Variants in CPA6 observed in about 807,000 individuals in gnomAD.
CPA6 encodes carboxypeptidase A6.
Under a neutral mutation model 63.3 loss-of-function variants are expected in CPA6, and 58 were observed. The observed-to-expected ratio is 0.92, with a 90% confidence interval of 0.74 to 1.14. The LOEUF (loss-of-function observed/expected upper bound fraction) is 1.14, where lower values mean the gene tolerates loss of function less well. Ranked by LOEUF, CPA6 falls within the 50% of genes most tolerant of loss-of-function variation. CPA6 has a pLI of 0.00. For synonymous variants in CPA6, 185 were observed against 179.0 expected, an observed-to-expected ratio of 1.03 and a Z score of -0.27; for missense variants, 565 against 526.6, an observed-to-expected ratio of 1.07 and a Z score of -0.71.
chr8:67,592,870 G>T (rs1042869254), intron 2 of CPA6, among the ~76,000 whole-genome samples: 126 of 151,904 alleles, frequency 8.3e-4, no homozygotes, highest in African/African-American at 2.8e-3. Context: ...AGGGTTTTTT[G>T]TGTCTCTATT....
At chr8:67,502,054 C>A (rs1370232381) in intron 6 of CPA6, among the ~76,000 whole-genome samples, 1 of 152,044 alleles carries the variant, frequency 6.6e-6, no homozygotes, top group South Asian at 2.1e-4. Flanking sequence ...CCTTATTAAC[C>A]TTTTTTATAT....
chr8:67,635,538 AG>A (rs1354940582), intron 1 of CPA6, among the ~76,000 whole-genome samples: 1 of 151,486 alleles, frequency 6.6e-6, no homozygotes, highest in Non-Finnish European at 1.5e-5. Context: ...GAAGCCAAGG[AG>A]GGGGGATCAC....
intron 8 of CPA6, among the ~76,000 whole-genome samples, chr8:67,474,851 C>G (rs1811139515): frequency 6.6e-6 from 1 of 152,056 alleles, no homozygotes; most frequent in Admixed American, 6.6e-5. Flanking sequence ...TGATGGCTCA[C>G]ACTGGTAATC....
At chr8:67,710,039 G>C (rs1817221731) in intron 1 of CPA6, among the ~76,000 whole-genome samples, 1 of 152,092 alleles carries the variant, frequency 6.6e-6, no homozygotes, top group Admixed American at 6.5e-5. Context: ...CTTGAACCCA[G>C]GAGGCAGAGG....
chr8:67,573,841 G>T (rs1283230034), intron 2 of CPA6, among the ~76,000 whole-genome samples: 1 of 125,004 alleles, frequency 8.0e-6, no homozygotes, highest in Non-Finnish European at 1.6e-5. Context: ...GCAGTGAGCC[G>T]AGATCACGCC....
intron 8 of CPA6, among the ~76,000 whole-genome samples, chr8:67,470,036 T>C (rs1811021973): frequency 6.6e-6 from 1 of 151,780 alleles, no homozygotes; most frequent in African/African-American, 2.4e-5. Context: ...TCCTTTTTTT[T>C]TTTTCTTTTT....
chr8:67,741,188 A>G lies in CPA6; in HGVS notation c.116+4826T>C, dbSNP rs537444389. Reference sequence around the variant, plus strand: ...AAATGCAGGGCTGTCATGAGAAAAAAGGAGTCCATGGAACTTTGCAAGCAG... The same window carrying G: ...AAATGCAGGGCTGTCATGAGAAAAAGGGAGTCCATGGAACTTTGCAAGCAG... On this transcript the variant is annotated intron_variant, in intron 1 of 10. Transcript: ENST00000297770. Among the ~76,000 whole-genome samples, 8 of 152,320 alleles carry G rather than the reference A, an allele frequency of 5.3e-5. No homozygotes were observed. In the East Asian group the frequency reaches 1.4e-3, roughly 26 times the overall value.
intron 6 of CPA6, among the ~76,000 whole-genome samples, chr8:67,490,374 A>C (rs1337667777): frequency 1.3e-5 from 2 of 152,104 alleles, no homozygotes; most frequent in African/African-American, 4.8e-5. Context: ...TGGACCTACA[A>C]AGTTTAATTT....
intron 6 of CPA6, among the ~76,000 whole-genome samples, chr8:67,492,475 G>GT (rs140303912): frequency 0.03 from 4,400 of 148,204 alleles, 146 homozygotes; most frequent in African/African-American, 0.08. Flanking sequence ...CCTTTATAAG[G>GT]TTTTTTTTTT....
chr8:67,688,580 C>A (rs1412693236), intron 1 of CPA6, among the ~76,000 whole-genome samples: 3 of 152,246 alleles, frequency 2.0e-5, no homozygotes, highest in Admixed American at 2.0e-4. Flanking sequence ...CAGGCTATAT[C>A]ATTAATGCTG....
At chr8:67,427,972 T>G in intron 10 of CPA6, 75 bp downstream of exon 10, 1 of 987,138 alleles carries the variant, frequency 1.0e-6, no homozygotes, top group Non-Finnish European at 1.6e-6. Flanking sequence ...ACTTTCTCCC[T>G]TCTAAAAGGA....
At chr8:67,423,721 G>A (rs1294609726) in intron 10 of CPA6, among the ~76,000 whole-genome samples, 1 of 152,144 alleles carries the variant, frequency 6.6e-6, no homozygotes, top group Non-Finnish European at 1.5e-5. Flanking sequence ...CTGCCCCCAT[G>A]TTGCTGTAGG....
At chr8:67,483,940 A>G in intron 7 of CPA6, 82 bp from the exon 8 acceptor site, 1 of 1,122,018 alleles carries the variant, frequency 8.9e-7, no homozygotes, top group East Asian at 2.3e-5. Context: ...AATCAATGAA[A>G]GAGTCATACC....
At chr8:67,656,021 G>A (rs1815975934) in intron 1 of CPA6, among the ~76,000 whole-genome samples, 1 of 152,180 alleles carries the variant, frequency 6.6e-6, no homozygotes, top group African/African-American at 2.4e-5. Context: ...ATGAGTTTTG[G>A]TGTGTGTTGT....
At chr8:67,578,887 A>T (rs949582171) in intron 2 of CPA6, among the ~76,000 whole-genome samples, 1 of 152,222 alleles carries the variant, frequency 6.6e-6, no homozygotes, top group Non-Finnish European at 1.5e-5. Flanking sequence ...GATTAATTTA[A>T]GTAACACAGG....
intron 1 of CPA6, among the ~76,000 whole-genome samples, chr8:67,632,074 A>C (rs1587653450): frequency 6.6e-6 from 1 of 151,908 alleles, no homozygotes; most frequent in African/African-American, 2.4e-5. Flanking sequence ...TTAATATTTT[A>C]TTTCAGAGTT....
intron 8 of CPA6, among the ~76,000 whole-genome samples, chr8:67,439,670 G>A (rs77078176): frequency 0.082 from 12,454 of 151,986 alleles, 1,248 homozygotes; most frequent in African/African-American, 0.24. Context: ...AATTAAGACG[G>A]CAGAAATAAG....
At chr8:67,501,349 C>T (rs1398606165) in intron 6 of CPA6, among the ~76,000 whole-genome samples, 1 of 151,928 alleles carries the variant, frequency 6.6e-6, no homozygotes, top group Admixed American at 6.6e-5. Context: ...TTTAAAAATT[C>T]CAGTGTCCAC....
chr8:67,742,220 A>G (rs1347415873), intron 1 of CPA6, among the ~76,000 whole-genome samples: 1 of 150,008 alleles, frequency 6.7e-6, no homozygotes, highest in Non-Finnish European at 1.5e-5. Context: ...TGCTTTTCTA[A>G]TAATGATTCA....
Sources: gnomAD v4.1 joint callset for allele counts (sites outside exome capture counted in the v4.1 genomes callset) on GRCh38, gnomAD v4.1.1 for gene constraint, MANE v1.5 for transcripts, NCBI Gene and HGNC (gene_info 2026-07-23, HGNC 2026-07-21) for gene names.